The following FHIT variants were observed in gnomAD, a reference collection of about 807,000 sequenced individuals.
FHIT encodes the protein fragile histidine triad diadenosine triphosphatase, also known as bis(5'-adenosyl)-triphosphatase.
In FHIT, 19 loss-of-function variants were observed where a neutral mutation model predicts 17.9. The ratio of observed to expected loss-of-function variants is 1.06; its 90% CI spans 0.74 to 1.56. The LOEUF (loss-of-function observed/expected upper bound fraction) is 1.56, where lower values mean the gene tolerates loss of function less well. Ranked by LOEUF, FHIT falls within the 40% of genes most tolerant of loss-of-function variation. The pLI, the probability that FHIT is intolerant of heterozygous loss-of-function variation, is 0.00. For synonymous variants in FHIT, 81 were observed against 69.7 expected, an observed-to-expected ratio of 1.16 and a Z score of -0.81; for missense variants, 248 against 189.2, an observed-to-expected ratio of 1.31 and a Z score of -1.82.
chr3:60,794,737 G>A (rs13094165), intron 4 of FHIT, among the ~76,000 whole-genome samples: 41,044 of 152,014 alleles, frequency 0.27, 5,970 homozygotes, highest in Middle Eastern at 0.34. Context: ...TAATGAGTCC[G>A]TAAATGAGTT....
rs138637519 is a variant in FHIT at position 60,653,947 on chromosome 3, G to A, written c.-17-116968C>T. 3.6e-4 allele frequency among the ~76,000 whole-genome samples: 55 copies of A among 152,324 alleles called. No homozygotes were observed. The East Asian group carries it at 7.5e-3, about 21-fold the overall frequency. On this transcript the variant is annotated intron_variant, in intron 4 of 9. Coordinates refer to ENST00000492590, the MANE Select transcript of FHIT (RefSeq NM_002012.4). ...CTGGAGGTGGGGCCTGGTGGGAGGT[G>A]TTTGGATCATGGGGACAGATCCCTC...
intron 5 of FHIT, among the ~76,000 whole-genome samples, chr3:60,083,805 C>A (rs1456342169): frequency 1.3e-5 from 2 of 152,152 alleles, no homozygotes; most frequent in African/African-American, 4.8e-5. Context: ...ACTTTATTTA[C>A]AAAAACAAAT....
At chr3:60,475,205 C>T (rs888746728) in intron 5 of FHIT, among the ~76,000 whole-genome samples, 5 of 152,110 alleles carry the variant, frequency 3.3e-5, no homozygotes, top group African/African-American at 9.7e-5. Context: ...TTAATCTTCA[C>T]TACATTTCTA....
chr3:59,957,371 G>A (rs1334630884), intron 7 of FHIT, among the ~76,000 whole-genome samples: 1 of 152,208 alleles, frequency 6.6e-6, no homozygotes, highest in African/African-American at 2.4e-5. Flanking sequence ...GGGCCTCAGG[G>A]GAAATCAACT....
At chr3:60,966,184 C>T (rs1553783319) in intron 3 of FHIT, among the ~76,000 whole-genome samples, 1 of 152,210 alleles carries the variant, frequency 6.6e-6, no homozygotes, top group Non-Finnish European at 1.5e-5. Flanking sequence ...GGTTCGAACT[C>T]AGACTGCTGT....
At position 60,115,815 on chromosome 3, in the gene FHIT, A is replaced by T. The variant is rs146902808; in HGVS notation, c.104-101663T>A. Among the ~76,000 whole-genome samples, 733 of 152,308 alleles carry T rather than the reference A, an allele frequency of 4.8e-3. 7 individuals are homozygous for T. Among genetic ancestry groups the T allele is most frequent in the Middle Eastern group, 0.031 (9 of 294 alleles). The stretch of plus-strand genomic sequence containing the variant: ...AAAGTAGAACACAAAATGTACAAAC[A>T]CGAATAGGTATTATGTGCATGTATA... On this transcript the variant is annotated intron_variant, in intron 5 of 9. Transcript: ENST00000492590.
At chr3:59,968,425 CAAAACAAAAACA>C (rs570855643) in intron 7 of FHIT, among the ~76,000 whole-genome samples, 15 of 150,462 alleles carry the variant, frequency 1.0e-4, no homozygotes, top group African/African-American at 2.7e-4. Context: ...AGTAGGCTAT[CAAAACAAAAACA>C]AAAACAAAAA....
In FHIT at chr3:59,788,881, G is replaced by GTTTT. The variant is rs60361063; in HGVS notation, c.349-36564_349-36561dup. 3.0e-3 allele frequency among the ~76,000 whole-genome samples: 262 copies of GTTTT among 86,844 alleles called. 25 individuals carry two copies. The highest frequency in any genetic ancestry group is 0.01 in the African/African-American group (220 of 21,864). The allele number at this position is 86,844 out of a possible 152,430, so 57.0% of individuals were successfully genotyped here. A position where few individuals can be genotyped will look rare whatever the true frequency, so the allele number is the denominator to read the frequency against. On this transcript the variant is annotated intron_variant, in intron 8 of 9. Transcript: ENST00000492590. ...ACCACGTTCTTTGCTGAGTTCATAT[G>GTTTT]TTTTTTTTTTTTACCCCATCTCCAA...
chr3:59,896,290 C>T (rs202082953), intron 8 of FHIT, among the ~76,000 whole-genome samples: 2 of 152,014 alleles, frequency 1.3e-5, no homozygotes, highest in African/African-American at 2.4e-5. Context: ...AGGAATAAAT[C>T]GATGAAATAA....
At chr3:60,482,778 C>T (rs532979351) in intron 5 of FHIT, among the ~76,000 whole-genome samples, 1 of 150,872 alleles carries the variant, frequency 6.6e-6, no homozygotes, top group South Asian at 2.1e-4. Flanking sequence ...GCTAGAGAGG[C>T]AAGAGAAAAA....
intron 5 of FHIT, among the ~76,000 whole-genome samples, chr3:60,252,451 C>G (rs1042384077): frequency 6.6e-6 from 1 of 151,950 alleles, no homozygotes; most frequent in Non-Finnish European, 1.5e-5. Flanking sequence ...GTAGTCCCAG[C>G]TACTAGAAAG....
intron 3 of FHIT, among the ~76,000 whole-genome samples, chr3:60,961,061 T>A (rs1709411212): frequency 6.6e-6 from 1 of 152,180 alleles, no homozygotes; most frequent in Admixed American, 6.5e-5. Context: ...AGTGTAAAAG[T>A]TTTCCTATTA....
At chr3:59,798,827 A>G (rs1393741838) in intron 8 of FHIT, among the ~76,000 whole-genome samples, 2 of 152,230 alleles carry the variant, frequency 1.3e-5, no homozygotes, top group Non-Finnish European at 2.9e-5. Context: ...TTCGAAAGAG[A>G]TTTCAGATGA....
At chr3:60,529,927 T>A (rs186677894) in intron 5 of FHIT, among the ~76,000 whole-genome samples, 96 of 151,552 alleles carry the variant, frequency 6.3e-4, no homozygotes, top group African/African-American at 2.3e-3. Flanking sequence ...TCTGTGTAGA[T>A]CCGCAGATCG....
At chr3:60,508,290 C>G (rs1211104062) in intron 5 of FHIT, among the ~76,000 whole-genome samples, 1 of 152,136 alleles carries the variant, frequency 6.6e-6, no homozygotes, top group African/African-American at 2.4e-5. Flanking sequence ...TATAGTACTA[C>G]TATCCATGAA....
chr3:60,559,215 A>G (rs577329667), intron 4 of FHIT, among the ~76,000 whole-genome samples: 34 of 152,328 alleles, frequency 2.2e-4, no homozygotes, highest in Admixed American at 2.2e-3. Context: ...TTTCAACTGT[A>G]TGGGGAATTA....
At chr3:60,421,130 A>G (rs977323484) in intron 5 of FHIT, among the ~76,000 whole-genome samples, 2 of 151,776 alleles carry the variant, frequency 1.3e-5, no homozygotes, top group African/African-American at 4.8e-5. Context: ...GCATTTTGGA[A>G]ATATTGCTCA....
chr3:60,118,386 G>A (rs529720802), intron 5 of FHIT, among the ~76,000 whole-genome samples: 5 of 151,536 alleles, frequency 3.3e-5, no homozygotes, highest in South Asian at 4.2e-4. Context: ...GGGATTATAC[G>A]TGTGAGCCAC....
At chr3:60,560,004 T>C (rs928268521) in intron 4 of FHIT, among the ~76,000 whole-genome samples, 1 of 151,936 alleles carries the variant, frequency 6.6e-6, no homozygotes, top group Non-Finnish European at 1.5e-5. Flanking sequence ...AGTACAGATG[T>C]TTAAGAATGA....
Sources: allele counts gnomAD v4.1 joint callset (sites outside exome capture counted in the v4.1 genomes callset), GRCh38; gene constraint gnomAD v4.1.1; transcripts MANE v1.5; gene names NCBI Gene and HGNC (gene_info 2026-07-23, HGNC 2026-07-21).